The following DDX60 variants were observed in gnomAD, a reference collection of about 807,000 sequenced individuals.
DDX60 encodes probable ATP-dependent RNA helicase DDX60.
DDX60 carries 165 observed loss-of-function variants against 212.8 expected under a neutral mutation model. That is an observed-to-expected ratio of 0.78 (90% CI 0.68 to 0.88). The LOEUF (loss-of-function observed/expected upper bound fraction) is 0.88. Among genes scored for constraint, DDX60 ranks in the 40% least tolerant of loss-of-function variants. The pLI is 0.00. For missense variants in DDX60, 1,905 were observed against 2,003.9 expected (o/e 0.95, Z 0.94); for synonymous variants, 703 against 685.3 (o/e 1.03, Z -0.40).
At chr4:168,318,022 G>T (rs1737476476) in intron 1 of DDX60, among the ~76,000 whole-genome samples, 1 of 152,284 alleles carries the variant, frequency 6.6e-6, no homozygotes. Flanking sequence ...CCATGCCTGG[G>T]CTTCTGATCC....
intron 35 of DDX60, among the ~76,000 whole-genome samples, chr4:168,223,313 TA>T (rs1733130083): frequency 6.6e-6 from 1 of 151,930 alleles, no homozygotes; most frequent in Admixed American, 6.6e-5. Flanking sequence ...TTAATTAAAA[TA>T]AACAATAAAA....
chr4:168,303,201 C>T (rs1312812866), intron 5 of DDX60, among the ~76,000 whole-genome samples: 1 of 151,060 alleles, frequency 6.6e-6, no homozygotes, highest in Non-Finnish European at 1.5e-5. Flanking sequence ...GCTCAGGAGG[C>T]TGAGGTAGGA....
At chr4:168,318,463 C>T (rs6845046) in intron 1 of DDX60, among the ~76,000 whole-genome samples, 159 bp downstream of exon 1, 2 of 152,234 alleles carry the variant, frequency 1.3e-5, no homozygotes, top group Non-Finnish European at 2.9e-5. Context: ...GGGGCCCGTG[C>T]GCCACGGCCT....
At position 168,224,272 on chromosome 4, in the gene DDX60, C is replaced by A. The variant is rs1733169303; in HGVS notation, c.4795G>T (p.Asp1599Tyr). 1 of 1,612,362 alleles carries A rather than the reference C, an allele frequency of 6.2e-7. No individual in the cohort carries two copies. The highest frequency in any genetic ancestry group is 1.3e-5 in the African/African-American group (1 of 74,828). The change falls in exon 35 of 38, where the codon GAT becomes TAT. Residue 1599 changes from aspartate to tyrosine, a missense_variant. Physicochemically the swap from Asp to Tyr is radical, Grantham distance 160. Coordinates refer to ENST00000393743, the MANE Select transcript of DDX60 (RefSeq NM_017631.6). ...TTTGGAGTTTCTAGTCGAAGCAAAT[C>A]ATCATCAAAGTTCCCAGACAGACAA... ...FVCLSGNFDD[D>Y]LLRLETPNHV... is the part of the protein sequence containing the mutation.
At chr4:168,222,647 T>C (rs1170992011) in intron 35 of DDX60, among the ~76,000 whole-genome samples, 2 of 152,142 alleles carry the variant, frequency 1.3e-5, no homozygotes, top group African/African-American at 4.8e-5. Flanking sequence ...GTGACAGATA[T>C]CAACTGCGTT....
upstream of DDX60, among the ~76,000 whole-genome samples, chr4:168,319,811 A>G (rs1019414734): frequency 6.6e-6 from 1 of 152,166 alleles, no homozygotes; most frequent in African/African-American, 2.4e-5. Context: ...TCTACAAGGA[A>G]AGGAAAGAGC....
intron 5 of DDX60, 35 bp downstream of exon 5, chr4:168,306,344 T>C (rs1196422543): frequency 6.6e-7 from 1 of 1,522,860 alleles, no homozygotes; most frequent in Non-Finnish European, 8.8e-7. Context: ...ATTTTGAAAA[T>C]TTCTAGAAGA....
chr4:168,245,993 C>CTAAGTTCT (rs1271865709), intron 30 of DDX60, among the ~76,000 whole-genome samples: 1 of 152,056 alleles, frequency 6.6e-6, no homozygotes, highest in Non-Finnish European at 1.5e-5. Context: ...CTACATTTCC[C>CTAAGTTCT]ACATACTCCT....
the DDX60 span, among the ~76,000 whole-genome samples, chr4:168,325,751 C>T: frequency 6.6e-6 from 1 of 152,196 alleles, no homozygotes; most frequent in Non-Finnish European, 1.5e-5. Flanking sequence ...ACTGCTTGGC[C>T]AACAGATACA....
rs771846305 is a variant in DDX60 at position 168,224,391 on chromosome 4, A to G, written c.4682-6T>C. On this transcript the variant is annotated splice_polypyrimidine_tract_variant and splice_region_variant and intron_variant, in intron 34 of 37. Coordinates refer to ENST00000393743, the MANE Select transcript of DDX60 (RefSeq NM_017631.6). ...ACATTCTTTACCTGTGAATTCTGAC[A>G]ATAATAGTTAGGGATAGATTAGTGT... The G allele has an allele frequency of 1.2e-6, 2 of 1,610,826 alleles. No homozygotes were observed. The highest frequency in any genetic ancestry group is 1.7e-6 in the Non-Finnish European group (2 of 1,177,800).
chr4:168,247,912 G>A (rs953656652), intron 29 of DDX60, among the ~76,000 whole-genome samples: 15 of 152,274 alleles, frequency 9.9e-5, no homozygotes, highest in Non-Finnish European at 7.4e-5. Flanking sequence ...TGCAAATGCC[G>A]TGGGAGAGTA....
intron 36 of DDX60, 147 bp from the exon 37 acceptor site, chr4:168,220,864 A>C: frequency 2.4e-6 from 1 of 423,754 alleles, no homozygotes; most frequent in Non-Finnish European, 4.2e-6. Flanking sequence ...AGACTCCTAG[A>C]TATTGATCTA....
At chr4:168,299,311 G>A (rs1736549351) in intron 6 of DDX60, among the ~76,000 whole-genome samples, 1 of 151,068 alleles carries the variant, frequency 6.6e-6, no homozygotes, top group Non-Finnish European at 1.5e-5. Context: ...CATAATCTAT[G>A]GGCTATATTT....
rs72975362 is a variant in DDX60, at chr4:168,262,551, G to A, written c.3144+132C>T. 8.9e-3 allele frequency: 5,478 copies of A among 615,530 alleles called. 240 individuals carry two copies. The African/African-American group carries it at 0.093, about 10-fold the overall frequency. The allele number at this position is 615,530 out of a possible 1,614,324, so 38.1% of individuals were successfully genotyped here. ...CAAACAGATAATGTTAGAAATATGA[G>A]AAGAGGCACTCTTATTGTAGGAAGA... is the stretch of plus-strand genomic sequence containing the variant. On this transcript the variant is annotated intron_variant, in intron 23 of 37. Coordinates refer to ENST00000393743, the MANE Select transcript of DDX60 (RefSeq NM_017631.6).
In DDX60 at chr4:168,247,896, A is replaced by C. The variant is rs111694720; in HGVS notation, c.3963+292T>G. 2.3e-3 allele frequency among the ~76,000 whole-genome samples: 345 copies of C among 152,354 alleles called. 2 individuals are homozygous for C. Among genetic ancestry groups the C allele is most frequent in the African/African-American group, 7.4e-3 (307 of 41,586 alleles). On this transcript the variant is annotated intron_variant, in intron 29 of 37. Transcript: ENST00000393743. ...TATCTTCCATACAAATCACTTATTT[A>C]ATTCTTGCAAATGCCGTGGGAGAGT...
chr4:168,225,604 A>G lies in DDX60; in HGVS notation c.4606T>C (p.Phe1536Leu), dbSNP rs753341025. 6.2e-7 allele frequency: 1 copy of G among 1,611,754 alleles called. No homozygotes were observed. Reference protein sequence around the residue: ...DEYNMKIMEDFTTFLRIVSKL... With the variant: ...DEYNMKIMEDLTTFLRIVSKL... ...GAAACAATTCGTAGGAAAGTGGTAA[A>G]GTCCTCCATAATTTTCATGTTATAT... The change falls in exon 34 of 38, where the codon TTT (phenylalanine) becomes CTT (leucine). Residue 1536 changes from phenylalanine to leucine, a missense_variant. By Grantham distance (22) the Phe-to-Leu change is conservative. Transcript: ENST00000393743.
chr4:168,237,674 A>G lies in DDX60; in HGVS notation c.4269+17T>C. ...TAGTAATGCTATTTCCCAAAACAAA[A>G]GTGCAGTAATGCATACCTCTTTCAC... is the stretch of plus-strand genomic sequence containing the variant. On this transcript the variant is annotated intron_variant, in intron 31 of 37. Transcript: ENST00000393743. 6.3e-7 allele frequency: 1 copy of G among 1,592,780 alleles called. No individual in the cohort carries two copies. Among genetic ancestry groups the G allele is most frequent in the South Asian group, 1.1e-5 (1 of 89,116 alleles).
chr4:168,256,342 T>C (rs1373789799), intron 25 of DDX60, among the ~76,000 whole-genome samples: 1 of 152,180 alleles, frequency 6.6e-6, no homozygotes. Flanking sequence ...GGTGAGAACC[T>C]ATGATTCTTT....
chr4:168,271,088 G>A (rs1009652694), intron 19 of DDX60, among the ~76,000 whole-genome samples: 1 of 151,948 alleles, frequency 6.6e-6, no homozygotes, highest in Non-Finnish European at 1.5e-5. Flanking sequence ...ACGTTGGCCA[G>A]GCTGGCCTCA....
Sources: allele counts gnomAD v4.1 joint callset (sites outside exome capture counted in the v4.1 genomes callset), GRCh38; gene constraint gnomAD v4.1.1; transcripts MANE v1.5; gene names NCBI Gene and HGNC (gene_info 2026-07-23, HGNC 2026-07-21).